Variants in SORBS2 observed in about 807,000 individuals in gnomAD.
SORBS2 encodes the protein sorbin and SH3 domain containing 2.
A neutral mutation model predicts 97.7 loss-of-function variants in SORBS2; 46 were observed. The ratio of observed to expected loss-of-function variants is 0.47; its 90% confidence interval spans 0.37 to 0.60. The LOEUF is 0.60. Among genes scored for constraint, SORBS2 ranks in the 20% least tolerant of loss-of-function variants. SORBS2 has a pLI of 0.00. For synonymous variants in SORBS2, 476 were observed against 473.4 expected (o/e 1.01, Z -0.07); for missense variants, 1,316 against 1,282.3 (o/e 1.03, Z -0.40).
chr4:185,803,873 T>G (rs1345254097), intron 1 of SORBS2, among the ~76,000 whole-genome samples: 1 of 152,204 alleles, frequency 6.6e-6, no homozygotes, highest in East Asian at 1.9e-4. Flanking sequence ...ACAGCCCTTC[T>G]CCCAAAACAG....
Position 185,954,271 on chromosome 4 carries a change from C to A in SORBS2, c.-338+1925G>T, listed in dbSNP as rs145432010. Among the ~76,000 whole-genome samples, 174 of 152,180 alleles carry A rather than the reference C, an allele frequency of 1.1e-3. 1 individual carries two copies. In the East Asian group the frequency reaches 0.026, roughly 22 times the overall value. On this transcript the variant is annotated intron_variant, in intron 1 of 20. Transcript: ENST00000284776. ...CTAATACACCTTCTCAAAAGCAATG[C>A]CTTTTAAACATAGAAATAAGTAAGA...
intron 11 of SORBS2, among the ~76,000 whole-genome samples, chr4:185,612,257 T>C (rs986939653): frequency 2.6e-5 from 4 of 152,154 alleles, no homozygotes; most frequent in Non-Finnish European, 5.9e-5. Context: ...TATGCTGGTA[T>C]TGTGTGAAAT....
chr4:185,829,056 T>G (rs937580210), intron 1 of SORBS2, among the ~76,000 whole-genome samples: 1 of 152,230 alleles, frequency 6.6e-6, no homozygotes, highest in African/African-American at 2.4e-5. Flanking sequence ...TGTGCTCAGT[T>G]TCCAAAACTT....
intron 1 of SORBS2, among the ~76,000 whole-genome samples, chr4:185,815,571 T>G (rs1489522738): frequency 6.6e-6 from 1 of 152,150 alleles, no homozygotes; most frequent in Non-Finnish European, 1.5e-5. Flanking sequence ...AATATTTGTT[T>G]AGAAGGATTT....
At chr4:185,928,133 C>T (rs34239936) in intron 1 of SORBS2, among the ~76,000 whole-genome samples, 43,758 of 151,924 alleles carry the variant, frequency 0.29, 7,810 homozygotes, top group East Asian at 0.53. Flanking sequence ...TGGCTGGGGG[C>T]AGTGGCTCAC....
exon 3 of SORBS2, chr4:185,649,528 G>A: frequency 6.2e-7 from 1 of 1,605,124 alleles, no homozygotes; most frequent in Non-Finnish European, 8.5e-7. Context: ...ACATGTGGGG[G>A]AGGCACTGGG....
At chr4:185,875,558 A>C (rs2099233084) in intron 1 of SORBS2, among the ~76,000 whole-genome samples, 1 of 152,254 alleles carries the variant, frequency 6.6e-6, no homozygotes, top group South Asian at 2.1e-4. Flanking sequence ...TACAGTGCTT[A>C]GTTTTAAAAA....
At chr4:185,879,176 C>CCCCCACA in intron 1 of SORBS2, among the ~76,000 whole-genome samples, 1 of 85,188 alleles carries the variant, frequency 1.2e-5, no homozygotes, top group Non-Finnish European at 2.3e-5. Flanking sequence ...CCCCCCCCCC[C>CCCCCACA]ACCCCACGAC....
At chr4:185,662,009 G>T in intron 5 of SORBS2, 95 bp downstream of exon 8, 3 of 1,389,894 alleles carry the variant, frequency 2.2e-6, no homozygotes, top group Non-Finnish European at 3.0e-6. Flanking sequence ...AGTGCTGAGC[G>T]CTCCCGCCTC....
intron 1 of SORBS2, among the ~76,000 whole-genome samples, chr4:185,829,205 C>T (rs1458555748): frequency 6.6e-6 from 1 of 152,164 alleles, no homozygotes; most frequent in Non-Finnish European, 1.5e-5. Context: ...TGTTGGGCCC[C>T]TCTATACATG....
chr4:185,634,950 A>C (rs1405481539), intron 4 of SORBS2, among the ~76,000 whole-genome samples: 1 of 152,246 alleles, frequency 6.6e-6, no homozygotes, highest in Non-Finnish European at 1.5e-5. Context: ...TATATGGGAC[A>C]TAGGCATCTG....
At chr4:185,604,505 G>T (rs2096358702) in intron 12 of SORBS2, among the ~76,000 whole-genome samples, 1 of 152,156 alleles carries the variant, frequency 6.6e-6, no homozygotes, top group Admixed American at 6.5e-5. Flanking sequence ...GTGGGTGCTT[G>T]CTCTCCCGAA....
At chr4:185,699,968 A>T (rs1160770311) in intron 2 of SORBS2, among the ~76,000 whole-genome samples, 3 of 152,174 alleles carry the variant, frequency 2.0e-5, no homozygotes, top group Admixed American at 1.3e-4. Flanking sequence ...TTTGAGGAGT[A>T]CCCTGTTCCG....
At chr4:185,658,963 C>T (rs968596632), upstream of SORBS2, among the ~76,000 whole-genome samples, 28 of 152,096 alleles carry the variant, frequency 1.8e-4, no homozygotes, top group South Asian at 8.3e-4. Flanking sequence ...GCCTCGGCCT[C>T]CCAAAGTGCT....
intron 2 of SORBS2, among the ~76,000 whole-genome samples, chr4:185,745,513 A>G (rs2098754482): frequency 6.6e-6 from 1 of 152,286 alleles, no homozygotes; most frequent in Non-Finnish European, 1.5e-5. Context: ...CTCACATCAC[A>G]TCTTCCTCAT....
In SORBS2 at chr4:185,638,841, C is replaced by T. The variant is rs750953933; in HGVS notation, c.396+7827G>A. On this transcript the variant is annotated intron_variant, in intron 4 of 14. Coordinates refer to ENST00000418609, the Ensembl canonical transcript of SORBS2. ...GCAAGGGCTGCACCTGCACCTCTGC[C>T]GGGCATGAAGAAAGGTAAGGAAGGA... is the stretch of plus-strand genomic sequence containing the variant. The T allele has an allele frequency of 6.6e-5, 94 of 1,421,096 alleles. 1 individual carries two copies. In the South Asian group the frequency reaches 1.4e-3, roughly 21 times the overall value. 88.0% of individuals were successfully genotyped at this position (1,421,096 alleles called of 1,614,324 possible).
intron 1 of SORBS2, among the ~76,000 whole-genome samples, chr4:185,951,138 A>G (rs2150027673): frequency 1.3e-5 from 2 of 152,302 alleles, no homozygotes; most frequent in East Asian, 3.9e-4. Flanking sequence ...GCCTGCCTTA[A>G]CAGGATTTAG....
At chr4:185,934,365 C>G (rs2099267869) in intron 1 of SORBS2, among the ~76,000 whole-genome samples, 2 of 152,148 alleles carry the variant, frequency 1.3e-5, no homozygotes, top group Non-Finnish European at 1.5e-5. Context: ...ACCAGTGAAA[C>G]AGAATGAAGA....
intron 2 of SORBS2, among the ~76,000 whole-genome samples, chr4:185,682,253 G>A (rs530058894): frequency 4.6e-5 from 7 of 152,284 alleles, no homozygotes; most frequent in African/African-American, 1.7e-4. Context: ...AGGTGGTATC[G>A]ACAAGACCCT....
Sources: gnomAD v4.1 joint callset for allele counts (sites outside exome capture counted in the v4.1 genomes callset) on GRCh38, gnomAD v4.1.1 for gene constraint, MANE v1.5 for transcripts, NCBI Gene and HGNC (gene_info 2026-07-23, HGNC 2026-07-21) for gene names.